PACRG: variants seen among roughly 807,000 people sequenced by gnomAD.
PACRG encodes parkin coregulated, also known as parkin coregulated gene protein.
A neutral mutation model predicts 29.7 loss-of-function variants in PACRG; 29 were observed. The observed-to-expected ratio is 0.98, with a 90% confidence interval of 0.73 to 1.33. The LOEUF (loss-of-function observed/expected upper bound fraction) is 1.33, where lower values mean the gene tolerates loss of function less well. Among genes scored for constraint, PACRG ranks in the 40% most tolerant of loss-of-function variants. PACRG has a pLI of 0.00. For synonymous variants in PACRG, 116 were observed against 118.7 expected (o/e 0.98, Z 0.15); for missense variants, 279 against 316.2 (o/e 0.88, Z 0.89).
At chr6:162,985,458 A>G (rs1349414999) in intron 2 of PACRG, among the ~76,000 whole-genome samples, 1 of 152,108 alleles carries the variant, frequency 6.6e-6, no homozygotes, top group East Asian at 1.9e-4. Flanking sequence ...CAAAAATCAC[A>G]TGATCATCTC....
At chr6:163,136,297 T>A (rs955528175) in intron 4 of PACRG, among the ~76,000 whole-genome samples, 4 of 152,216 alleles carry the variant, frequency 2.6e-5, no homozygotes, top group African/African-American at 9.6e-5. Flanking sequence ...TTTCTTGTTT[T>A]ACCCACTGCA....
chr6:162,989,412 C>G (rs987746918), intron 2 of PACRG, among the ~76,000 whole-genome samples: 7 of 152,100 alleles, frequency 4.6e-5, no homozygotes, highest in African/African-American at 1.7e-4. Flanking sequence ...TTCCAGGACC[C>G]CTTTCAGATG....
At chr6:163,220,606 A>G (rs916812198) in intron 4 of PACRG, among the ~76,000 whole-genome samples, 14 of 152,334 alleles carry the variant, frequency 9.2e-5, no homozygotes, top group East Asian at 5.8e-4. Context: ...GCAGTCCAGT[A>G]CTTAAAGTCA....
intron 2 of PACRG, among the ~76,000 whole-genome samples, chr6:162,989,299 G>T (rs1042981229): frequency 6.6e-6 from 1 of 152,152 alleles, no homozygotes; most frequent in Non-Finnish European, 1.5e-5. Context: ...GTTTGATATT[G>T]AATGTGTTTA....
chr6:163,272,892 CT>C lies in PACRG; in HGVS notation c.614-41918del, dbSNP rs200076248. ...AAACATTTGGTAATGATGCATCATT[CT>C]TTTTTTTTTTTTTTTTGAGACGGAG... On this transcript the variant is annotated intron_variant, in intron 4 of 4. Coordinates refer to ENST00000366888, the MANE Select transcript of PACRG (RefSeq NM_001080379.2). Among the ~76,000 whole-genome samples, 393 of 109,458 alleles carry C rather than the reference CT, an allele frequency of 3.6e-3. 19 individuals carry two copies. Among genetic ancestry groups the C allele is most frequent in the African/African-American group, 0.011 (296 of 26,040 alleles). The allele number at this position is 109,458 out of a possible 152,430, so 71.8% of individuals were successfully genotyped here.
At chr6:162,847,364 G>A (rs1372051671) in intron 2 of PACRG, among the ~76,000 whole-genome samples, 1 of 152,082 alleles carries the variant, frequency 6.6e-6, no homozygotes, top group Non-Finnish European at 1.5e-5. Flanking sequence ...CCTTGCATGT[G>A]ACCTCTTGCA....
intron 2 of PACRG, among the ~76,000 whole-genome samples, chr6:162,933,586 A>G (rs1407012213): frequency 2.9e-5 from 4 of 140,300 alleles, no homozygotes; most frequent in Middle Eastern, 8.0e-3. Context: ...ATCAGTATAT[A>G]ATGACTTTCT....
intron 4 of PACRG, among the ~76,000 whole-genome samples, chr6:163,191,442 A>G (rs1780207303): frequency 6.6e-6 from 1 of 151,498 alleles, no homozygotes; most frequent in Non-Finnish European, 1.5e-5. Context: ...TTTCCCCTTC[A>G]CTGCTATGGC....
intron 2 of PACRG, among the ~76,000 whole-genome samples, chr6:163,009,062 A>T (rs1385677496): frequency 6.6e-6 from 1 of 152,174 alleles, no homozygotes; most frequent in Non-Finnish European, 1.5e-5. Context: ...ACTGGGCAAA[A>T]TTACTCTGAA....
chr6:163,106,334 G>A (rs477514), intron 4 of PACRG, among the ~76,000 whole-genome samples: 66,004 of 151,886 alleles, frequency 0.43, 14,757 homozygotes, highest in African/African-American at 0.55. Context: ...AGCTATATTG[G>A]TTTAATCTTC....
chr6:163,243,397 C>T (rs1015536560), intron 4 of PACRG, among the ~76,000 whole-genome samples: 2 of 152,180 alleles, frequency 1.3e-5, no homozygotes, highest in Non-Finnish European at 2.9e-5. Context: ...GTTTGTGTTG[C>T]CCAGTGGTAC....
At chr6:162,966,475 GTA>G (rs1485596682) in intron 2 of PACRG, among the ~76,000 whole-genome samples, 1 of 98,924 alleles carries the variant, frequency 1.0e-5, no homozygotes, top group Non-Finnish European at 1.9e-5. Flanking sequence ...GGAATGACAT[GTA>G]TTTTTTTTTT....
At chr6:162,968,068 T>C (rs1801200100) in intron 2 of PACRG, among the ~76,000 whole-genome samples, 1 of 152,214 alleles carries the variant, frequency 6.6e-6, no homozygotes, top group Non-Finnish European at 1.5e-5. Context: ...ACACACTACC[T>C]ATCTTTTCCT....
intron 4 of PACRG, among the ~76,000 whole-genome samples, chr6:163,212,445 G>A (rs1290495083): frequency 6.6e-6 from 1 of 152,074 alleles, no homozygotes; most frequent in Non-Finnish European, 1.5e-5. Flanking sequence ...ACTAAGGCAG[G>A]AAAAGTCCAA....
chr6:163,281,992 T>C (rs1433868835), intron 4 of PACRG, among the ~76,000 whole-genome samples: 1 of 152,232 alleles, frequency 6.6e-6, no homozygotes, highest in Non-Finnish European at 1.5e-5. Flanking sequence ...AAAAATAATG[T>C]AGATTAAATC....
chr6:163,042,675 CTTGA>C (rs1808852727), intron 2 of PACRG: 1 of 144,494 alleles, frequency 6.9e-6, no homozygotes, highest in African/African-American at 2.6e-5. Context: ...GTCTAAATAA[CTTGA>C]TTGTGAATAC....
Position 163,229,862 on chromosome 6 carries a change from G to A in PACRG, c.614-84965G>A, listed in dbSNP as rs1249114384. 3.3e-5 allele frequency among the ~76,000 whole-genome samples: 5 copies of A among 152,166 alleles called. 1 individual carries two copies. The highest frequency in any genetic ancestry group is 4.1e-4 in the South Asian group (2 of 4,828). On this transcript the variant is annotated intron_variant, in intron 4 of 4. Coordinates refer to ENST00000366888, the MANE Select transcript of PACRG (RefSeq NM_001080379.2). ...AAGATGCCCAGAACTGTCTCCAGGC[G>A]ACAGCAGAGGTCAATTTCAGGTCCA...
intron 2 of PACRG, among the ~76,000 whole-genome samples, chr6:162,966,056 C>A (rs1423065589): frequency 1.3e-5 from 2 of 152,176 alleles, no homozygotes; most frequent in African/African-American, 4.8e-5. Context: ...AGATTTGTTT[C>A]TCTACAGGAA....
At chr6:163,164,538 A>C (rs1778708170) in intron 4 of PACRG, among the ~76,000 whole-genome samples, 2 of 152,236 alleles carry the variant, frequency 1.3e-5, no homozygotes, top group Non-Finnish European at 1.5e-5. Context: ...CGCTTGAGTT[A>C]AGAAGCTGCA....
Sources: allele counts gnomAD v4.1 joint callset (sites outside exome capture counted in the v4.1 genomes callset), GRCh38; gene constraint gnomAD v4.1.1; transcripts MANE v1.5; gene names NCBI Gene and HGNC (gene_info 2026-07-23, HGNC 2026-07-21).